TP63: variants seen among roughly 807,000 people sequenced by gnomAD.
The protein encoded by TP63 is tumor protein p63, also known as tumor protein 63.
Under a neutral mutation model 82.8 loss-of-function variants are expected in TP63, and 17 were observed. The observed-to-expected ratio is 0.21, with a 90% CI of 0.14 to 0.31. The LOEUF (loss-of-function observed/expected upper bound fraction) is 0.31. Among genes scored for constraint, TP63 ranks in the 10% least tolerant of loss-of-function variants. TP63 has a pLI of 1.00. For synonymous variants in TP63, 330 were observed against 321.7 expected (o/e 1.03, Z -0.28); for missense variants, 648 against 895.3 (o/e 0.72, Z 3.52).
intron 3 of TP63, among the ~76,000 whole-genome samples, chr3:189,746,054 T>C (rs1190437981): frequency 2.6e-5 from 4 of 152,092 alleles, no homozygotes; most frequent in African/African-American, 7.2e-5. Context: ...TATCCAGATA[T>C]GAGTTTCGGA....
At chr3:189,603,650 TAAA>T in the TP63 span, among the ~76,000 whole-genome samples, 138 of 50,774 alleles carry the variant, frequency 2.7e-3, 2 homozygotes, top group African/African-American at 7.9e-3. Context: ...TTGCCTTCAT[TAAA>T]AAAAAAAAAA....
At chr3:189,775,826 G>A (rs753587828) in intron 3 of TP63, among the ~76,000 whole-genome samples, 10 of 152,282 alleles carry the variant, frequency 6.6e-5, no homozygotes, top group Non-Finnish European at 1.5e-4. Flanking sequence ...AATTGAGGCA[G>A]CTGAATGGGA....
intron 9 of TP63, among the ~76,000 whole-genome samples, chr3:189,870,577 A>G (rs1211232588): frequency 4.6e-5 from 7 of 152,166 alleles, no homozygotes; most frequent in Non-Finnish European, 1.0e-4. Flanking sequence ...GCTGATATCA[A>G]AAGACAACTG....
chr3:189,788,287 A>G (rs189368846), intron 3 of TP63, among the ~76,000 whole-genome samples: 60 of 152,116 alleles, frequency 3.9e-4, no homozygotes, highest in Non-Finnish European at 2.9e-5. Context: ...TAAAAGAAGG[A>G]AGCATTATTA....
upstream of TP63, among the ~76,000 whole-genome samples, chr3:189,630,268 T>C (rs938573752): frequency 7.9e-5 from 12 of 152,162 alleles, no homozygotes; most frequent in African/African-American, 2.9e-4. Flanking sequence ...GAACTCACCA[T>C]GTTAGTGACC....
At chr3:189,718,573 G>T (rs1719136673) in intron 1 of TP63, among the ~76,000 whole-genome samples, 2 of 151,036 alleles carry the variant, frequency 1.3e-5, no homozygotes, top group Admixed American at 6.6e-5. Context: ...GACATGTGAG[G>T]ACAAGATTTG....
intron 11 of TP63, among the ~76,000 whole-genome samples, chr3:189,887,282 G>A (rs1296664253): frequency 6.6e-6 from 1 of 150,690 alleles, no homozygotes; most frequent in East Asian, 1.9e-4. Flanking sequence ...TAATTACAAA[G>A]AAGTTACTTC....
chr3:189,828,368 G>A (rs148547081), intron 4 of TP63, among the ~76,000 whole-genome samples: 177 of 152,170 alleles, frequency 1.2e-3, no homozygotes, highest in African/African-American at 3.5e-3. Flanking sequence ...CCTATTTTCC[G>A]TAATTGGGAT....
chr3:189,790,214 G>C (rs940950401), intron 3 of TP63, among the ~76,000 whole-genome samples: 1 of 152,006 alleles, frequency 6.6e-6, no homozygotes, highest in African/African-American at 2.4e-5. Flanking sequence ...AGAAAAATCA[G>C]TTGACTGTGT....
At chr3:189,885,889 C>T (rs1454841807) in intron 10 of TP63, among the ~76,000 whole-genome samples, 1 of 152,156 alleles carries the variant, frequency 6.6e-6, no homozygotes, top group Non-Finnish European at 1.5e-5. Context: ...GATGAGCTGC[C>T]AAATGCCCAG....
chr3:189,835,583 C>T (rs76479869), intron 4 of TP63, among the ~76,000 whole-genome samples: 6,497 of 152,210 alleles, frequency 0.043, 188 homozygotes, highest in Non-Finnish European at 0.062. Flanking sequence ...TGTTTGCCTA[C>T]AACTAAAGCA....
chr3:189,609,388 C>T, the TP63 span, among the ~76,000 whole-genome samples: 1 of 151,758 alleles, frequency 6.6e-6, no homozygotes, highest in Non-Finnish European at 1.5e-5. Flanking sequence ...CACCCATTGA[C>T]TTTTTTTTAA....
At chr3:189,610,556 A>T in the TP63 span, among the ~76,000 whole-genome samples, 1 of 152,100 alleles carries the variant, frequency 6.6e-6, no homozygotes, top group Non-Finnish European at 1.5e-5. Flanking sequence ...CATGGACCTT[A>T]TTGTCCATGT....
chr3:189,767,843 C>A (rs1164912381), intron 3 of TP63, among the ~76,000 whole-genome samples: 8 of 152,066 alleles, frequency 5.3e-5, no homozygotes, highest in Non-Finnish European at 7.4e-5. Flanking sequence ...AAGTTTTGGA[C>A]CCTGGATTGT....
At chr3:189,858,414 A>G (rs1440903289) in intron 4 of TP63, among the ~76,000 whole-genome samples, 1 of 150,330 alleles carries the variant, frequency 6.7e-6, no homozygotes, top group Non-Finnish European at 1.5e-5. Context: ...AAAAAAAAAA[A>G]AAAAAAAAAA....
At chr3:189,656,821 C>T (rs911527618) in intron 1 of TP63, among the ~76,000 whole-genome samples, 1 of 151,952 alleles carries the variant, frequency 6.6e-6, no homozygotes, top group African/African-American at 2.4e-5. Context: ...AACAACATAT[C>T]ACCAAAATGT....
chr3:189,808,490 C>A lies in TP63; in HGVS notation c.543C>A (p.Phe181Leu), dbSNP rs1490473342. The A allele has an allele frequency of 6.2e-7, 1 of 1,614,230 alleles. No individual in the cohort carries two copies. The highest frequency in any genetic ancestry group is 8.5e-7 in the Non-Finnish European group (1 of 1,180,054). ...GCCCGCACAGTTTCGACGTGTCCTT[C>A]CAGCAGTCGAGCACCGCCAAGTCGG... ...YPGPHSFDVS[F>L]QQSSTAKSAT... is the part of the protein sequence containing the mutation. Residue 181 changes from phenylalanine (F) to leucine (L), a missense_variant, in exon 4 of 14, where the codon TTC becomes TTA. Physicochemically the swap from Phe to Leu is conservative, Grantham distance 22. Coordinates refer to ENST00000264731, the MANE Select transcript of TP63 (RefSeq NM_003722.5).
rs11474103 is a variant in TP63 at position 189,810,859 on chromosome 3, CA to C, written c.579+2349del. 4.5e-3 allele frequency among the ~76,000 whole-genome samples: 543 copies of C among 120,204 alleles called. 3 individuals are homozygous for C. The highest frequency in any genetic ancestry group is 0.015 in the African/African-American group (472 of 30,748). The allele number at this position is 120,204 out of a possible 152,430, so 78.9% of individuals were successfully genotyped here. A position where few individuals can be genotyped will look rare whatever the true frequency, so the allele number is the denominator to read the frequency against. On this transcript the variant is annotated intron_variant, in intron 4 of 13. Coordinates refer to ENST00000264731, the MANE Select transcript of TP63 (RefSeq NM_003722.5). ...GCACAATAGAACAAGAGTCCGTCTC[CA>C]AAAAAAAAAAAAAAATTAAAGTTAT...
chr3:189,737,739 G>T lies in TP63; in HGVS notation c.63-1G>T, dbSNP rs200607940. Reference sequence around the variant, plus strand: ...ACTAGTTTCATTTTTGTCCTTTTAAGTTTCGTAGAAACCCCAGCTCATTTC... The same window carrying T: ...ACTAGTTTCATTTTTGTCCTTTTAATTTTCGTAGAAACCCCAGCTCATTTC... On this transcript the variant is annotated splice_acceptor_variant, in intron 1 of 13. Coordinates refer to ENST00000264731, the MANE Select transcript of TP63 (RefSeq NM_003722.5). LOFTEE classifies it high-confidence loss of function. 4 of 1,613,694 alleles carry T rather than the reference G, an allele frequency of 2.5e-6. No homozygotes were observed. Among genetic ancestry groups the T allele is most frequent in the Middle Eastern group, 1.7e-4 (1 of 6,056 alleles).
Sources: allele counts gnomAD v4.1 joint callset (sites outside exome capture counted in the v4.1 genomes callset), GRCh38; gene constraint gnomAD v4.1.1; transcripts MANE v1.5; gene names NCBI Gene and HGNC (gene_info 2026-07-23, HGNC 2026-07-21).